Variants in ADK observed in about 807,000 individuals in gnomAD.
ADK encodes adenosine kinase, also known as N6,N6-dimethyladenosine kinase.
ADK carries 24 observed loss-of-function variants against 44.7 expected under a neutral mutation model. The observed-to-expected ratio is 0.54, with a 90% CI of 0.39 to 0.76. ADK has a LOEUF of 0.76. Ranked by LOEUF, ADK falls within the 30% of genes least tolerant of loss-of-function variation. ADK has a pLI of 0.00. For synonymous variants in ADK, 128 were observed against 142.6 expected (o/e 0.90, Z 0.73); for missense variants, 321 against 425.1 (o/e 0.76, Z 2.15).
intron 6 of ADK, among the ~76,000 whole-genome samples, chr10:74,493,693 A>G (rs1564752992): frequency 1.3e-5 from 2 of 152,044 alleles, no homozygotes; most frequent in Non-Finnish European, 2.9e-5. Context: ...TCTTTAAAAT[A>G]TTAGATATTA....
At chr10:74,599,239 A>G (rs1001255066) in intron 8 of ADK, among the ~76,000 whole-genome samples, 1 of 152,244 alleles carries the variant, frequency 6.6e-6, no homozygotes, top group Admixed American at 6.5e-5. Context: ...TGTTAGGTAT[A>G]TTAGAAGCTT....
intron 7 of ADK, among the ~76,000 whole-genome samples, chr10:74,577,758 A>C (rs946303776): frequency 1.3e-5 from 2 of 152,184 alleles, no homozygotes; most frequent in African/African-American, 2.4e-5. Context: ...AAAAATCAAA[A>C]GTGCCAAAGA....
At chr10:74,429,656 A>G (rs761818925) in intron 6 of ADK, among the ~76,000 whole-genome samples, 9 of 152,212 alleles carry the variant, frequency 5.9e-5, no homozygotes, top group Non-Finnish European at 1.2e-4. Flanking sequence ...CTAACATAGA[A>G]AATGTTTATG....
chr10:74,255,372 A>T (rs1022175131), intron 3 of ADK, among the ~76,000 whole-genome samples: 2 of 152,164 alleles, frequency 1.3e-5, no homozygotes, highest in Non-Finnish European at 2.9e-5. Context: ...CACCAAAAGG[A>T]ACTGTTCTTT....
At chr10:74,407,587 T>A (rs1592165938) in intron 6 of ADK, among the ~76,000 whole-genome samples, 1 of 152,190 alleles carries the variant, frequency 6.6e-6, no homozygotes, top group East Asian at 1.9e-4. Flanking sequence ...TCCAAAGGAA[T>A]CCCTTGCATA....
chr10:74,383,300 G>T (rs1039537333), intron 4 of ADK, among the ~76,000 whole-genome samples: 1 of 152,058 alleles, frequency 6.6e-6, no homozygotes, highest in Non-Finnish European at 1.5e-5. Context: ...TTAGAATACA[G>T]ATTTGAGTAA....
chr10:74,373,323 T>C (rs1345677978), intron 4 of ADK, among the ~76,000 whole-genome samples: 4 of 152,068 alleles, frequency 2.6e-5, no homozygotes, highest in Admixed American at 6.5e-5. Context: ...AATAAATAAA[T>C]TAGATTTCAT....
At chr10:74,191,013 C>T (rs923515970) in intron 1 of ADK, among the ~76,000 whole-genome samples, 6 of 140,242 alleles carry the variant, frequency 4.3e-5, no homozygotes, top group African/African-American at 1.6e-4. Flanking sequence ...TGCAGTCTTG[C>T]ATTGTCGCCC....
intron 7 of ADK, among the ~76,000 whole-genome samples, chr10:74,569,123 TG>T (rs1850824792): frequency 6.6e-6 from 1 of 152,222 alleles, no homozygotes; most frequent in Non-Finnish European, 1.5e-5. Flanking sequence ...TTTTTATGGC[TG>T]CATAGTATTC....
chr10:74,669,036 TAAA>T (rs780953296), intron 9 of ADK, among the ~76,000 whole-genome samples: 1 of 131,920 alleles, frequency 7.6e-6, no homozygotes. Context: ...GAGCAAGACC[TAAA>T]AAAAAAAAAA....
intron 1 of ADK, among the ~76,000 whole-genome samples, chr10:74,171,780 C>T (rs1480853874): frequency 6.6e-6 from 1 of 151,270 alleles, no homozygotes; most frequent in South Asian, 2.1e-4. Flanking sequence ...TCTCTCAGCG[C>T]TCACTCTCTT....
intron 3 of ADK, among the ~76,000 whole-genome samples, chr10:74,272,441 A>T (rs1363177318): frequency 6.6e-6 from 1 of 151,942 alleles, no homozygotes; most frequent in Non-Finnish European, 1.5e-5. Flanking sequence ...ATGCCGGGTT[A>T]ACTTTTGACT....
chr10:74,415,778 A>G (rs1198013613), intron 6 of ADK, among the ~76,000 whole-genome samples: 3 of 152,060 alleles, frequency 2.0e-5, no homozygotes, highest in Non-Finnish European at 4.4e-5. Context: ...ATTTAATCTT[A>G]TATCCACATC....
chr10:74,643,452 T>G (rs1400510873), intron 9 of ADK, among the ~76,000 whole-genome samples: 1 of 152,208 alleles, frequency 6.6e-6, no homozygotes, highest in Non-Finnish European at 1.5e-5. Context: ...TTTTAAGTTG[T>G]GTCTAAGCTT....
At chr10:74,450,914 T>C (rs1333527532) in intron 6 of ADK, among the ~76,000 whole-genome samples, 1 of 152,040 alleles carries the variant, frequency 6.6e-6, no homozygotes, top group African/African-American at 2.4e-5. Context: ...CTGTAGGCCA[T>C]TGGTCTGTTA....
rs386371837 is a variant in ADK at position 74,553,190 on chromosome 10, G to GTTTTTT, written c.726+27788_726+27793dup. On this transcript the variant is annotated intron_variant, in intron 7 of 10. Transcript: ENST00000539909. ...ACAAGACAATTTTTCAGCACATTGT[G>GTTTTTT]TTTTTTTTTTTTTTTTTTTTTTTTT... is the stretch of plus-strand genomic sequence containing the variant. Among the ~76,000 whole-genome samples the GTTTTTT allele has an allele frequency of 4.3e-3, 257 of 60,446 alleles. 43 individuals carry two copies. Among genetic ancestry groups the GTTTTTT allele is most frequent in the East Asian group, 0.014 (20 of 1,470 alleles). The allele number at this position is 60,446 out of a possible 152,430, so 39.7% of individuals were successfully genotyped here.
chr10:74,645,875 A>G (rs1257120474), intron 9 of ADK, among the ~76,000 whole-genome samples: 2 of 152,176 alleles, frequency 1.3e-5, no homozygotes, highest in African/African-American at 2.4e-5. Flanking sequence ...TTTCGATATT[A>G]TCATATCAAT....
chr10:74,524,024 C>T (rs1020834558), intron 6 of ADK, among the ~76,000 whole-genome samples: 11 of 152,242 alleles, frequency 7.2e-5, no homozygotes, highest in Admixed American at 7.2e-4. Flanking sequence ...CATCCAAGGC[C>T]CTTTGTATTC....
intron 9 of ADK, among the ~76,000 whole-genome samples, chr10:74,667,444 G>GTATA (rs760131833): frequency 2.4e-4 from 36 of 147,186 alleles, no homozygotes; most frequent in African/African-American, 8.4e-4. Flanking sequence ...GTGTGTGTGT[G>GTATA]TATATATATA....
Sources: allele counts gnomAD v4.1 joint callset (sites outside exome capture counted in the v4.1 genomes callset), GRCh38; gene constraint gnomAD v4.1.1; transcripts MANE v1.5; gene names NCBI Gene and HGNC (gene_info 2026-07-23, HGNC 2026-07-21).